The following TULP4 variants were observed in gnomAD, a reference collection of about 807,000 sequenced individuals.
TULP4 encodes the protein tubby-related protein 4.
TULP4 carries 16 observed loss-of-function variants against 129.0 expected under a neutral mutation model. The ratio of observed to expected loss-of-function variants is 0.12; its 90% CI spans 0.08 to 0.19. TULP4 has a LOEUF of 0.19. TULP4 is among the 10% of genes least tolerant of loss of function. The pLI, the probability that TULP4 is intolerant of heterozygous loss-of-function variation, is 1.00. For synonymous variants in TULP4, 998 were observed against 854.0 expected (o/e 1.17, Z -2.94); for missense variants, 1,842 against 2,059.1 (o/e 0.89, Z 2.04).
Position 158,502,932 on chromosome 6 carries a change from A to G in TULP4, c.3269A>G (p.Glu1090Gly). 5 of 1,614,002 alleles carry G rather than the reference A, an allele frequency of 3.1e-6. No individual in the cohort carries two copies. The highest frequency in any genetic ancestry group is 4.2e-6 in the Non-Finnish European group (5 of 1,180,006). The change falls in exon 13 of 14, where the codon GAG (glutamate) becomes GGG (glycine). Residue 1090 changes from glutamate to glycine, a missense_variant. Around this residue, in one of 5 missense-constraint regions of TULP4, gnomAD observed 1,089 missense variants for 987.1 expected, o/e 1.10. Transcript: ENST00000367097. ...RTDYVNSAFTEDEALSQHCQL... is the reference protein window; with the variant it reads ...RTDYVNSAFTGDEALSQHCQL... ...GACTACGTCAACTCGGCCTTCACGGAGGACGAGGCCCTGTCCCAGCACTGT... is the reference window on the plus strand; with the variant it reads ...GACTACGTCAACTCGGCCTTCACGGGGGACGAGGCCCTGTCCCAGCACTGT...
At chr6:158,378,777 G>T (rs531047254) in intron 1 of TULP4, among the ~76,000 whole-genome samples, 1 of 144,410 alleles carries the variant, frequency 6.9e-6, no homozygotes, top group South Asian at 2.1e-4. Flanking sequence ...GCGCTACCGC[G>T]CCTGGCCAGG....
chr6:158,283,635 T>C (rs1392610357), intron 1 of TULP4, among the ~76,000 whole-genome samples: 1 of 152,226 alleles, frequency 6.6e-6, no homozygotes, highest in Non-Finnish European at 1.5e-5. Flanking sequence ...CTGTCCTCTT[T>C]ATTGGTGGAA....
At chr6:158,497,425 G>A (rs948686117) in intron 11 of TULP4, among the ~76,000 whole-genome samples, 1 of 152,108 alleles carries the variant, frequency 6.6e-6, no homozygotes, top group Middle Eastern at 3.4e-3. Context: ...TGAATTTTTG[G>A]CATTTTAACA....
intron 6 of TULP4, among the ~76,000 whole-genome samples, chr6:158,466,469 T>A (rs1779556548): frequency 6.6e-6 from 1 of 152,138 alleles, no homozygotes; most frequent in Non-Finnish European, 1.5e-5. Context: ...ATAATGTTGA[T>A]TAGTGATGTT....
chr6:158,362,386 G>C (rs1445605294), intron 1 of TULP4, among the ~76,000 whole-genome samples: 4 of 151,386 alleles, frequency 2.6e-5, no homozygotes, highest in African/African-American at 4.9e-5. Context: ...GTCTCTCTCT[G>C]TTGCCCAGGC....
At chr6:158,321,727 A>G (rs1484340226) in intron 1 of TULP4, among the ~76,000 whole-genome samples, 2 of 152,112 alleles carry the variant, frequency 1.3e-5, no homozygotes, top group Non-Finnish European at 2.9e-5. Flanking sequence ...TCACTTCACC[A>G]CCATGCCTAG....
chr6:158,319,750 ATGTT>A (rs1173679925), intron 1 of TULP4, among the ~76,000 whole-genome samples: 1 of 152,216 alleles, frequency 6.6e-6, no homozygotes, highest in Non-Finnish European at 1.5e-5. Flanking sequence ...ACTGTGATAA[ATGTT>A]TGTCTAGTCT....
chr6:158,502,861 C>A lies in TULP4; in HGVS notation c.3198C>A (p.Ser1066=). The A allele has an allele frequency of 6.2e-7, 1 of 1,613,826 alleles. No individual in the cohort carries two copies. The highest frequency in any genetic ancestry group is 8.5e-7 in the Non-Finnish European group (1 of 1,180,004). The part of the protein sequence containing the change: ...TASASPLASQ[S]SYSLLSPPDS... ...GCGCCTCCCCGTTGGCCTCCCAGTC[C>A]TCCTACAGCCTCCTGAGCCCACCCG... Residue 1066 remains serine (S), a synonymous_variant, in exon 13 of 14, where the codon TCC becomes TCA. Transcript: ENST00000367097.
At chr6:158,382,246 T>G (rs1777344333) in intron 1 of TULP4, among the ~76,000 whole-genome samples, 1 of 152,200 alleles carries the variant, frequency 6.6e-6, no homozygotes, top group Non-Finnish European at 1.5e-5. Context: ...GATCTGTGTC[T>G]GTATCTGTCT....
chr6:158,395,606 G>C (rs1777693020), intron 1 of TULP4, among the ~76,000 whole-genome samples: 1 of 142,840 alleles, frequency 7.0e-6, no homozygotes, highest in African/African-American at 2.6e-5. Flanking sequence ...AGGAAGACCT[G>C]ATTGGCTGGC....
chr6:158,440,472 G>A (rs16900765), intron 3 of TULP4, among the ~76,000 whole-genome samples: 4,807 of 152,240 alleles, frequency 0.032, 237 homozygotes, highest in African/African-American at 0.1. Flanking sequence ...TAGCTCCTGA[G>A]GACTCAACTT....
At position 158,427,340 on chromosome 6, in the gene TULP4, G is replaced by A. The variant is rs375259872; in HGVS notation, c.382-2396G>A. The stretch of plus-strand genomic sequence containing the variant: ...GGTTGGGGATTGACTTCTGGGGCGA[G>A]GAGGGACTTTACTGCATGTAAATTA... On this transcript the variant is annotated intron_variant, in intron 2 of 13. Coordinates refer to ENST00000367097, the MANE Select transcript of TULP4 (RefSeq NM_020245.5). Among the ~76,000 whole-genome samples, 146 of 152,182 alleles carry A rather than the reference G, an allele frequency of 9.6e-4. 2 individuals are homozygous for A. Among genetic ancestry groups the A allele is most frequent in the African/African-American group, 3.2e-3 (134 of 41,512 alleles).
chr6:158,507,031 C>G lies in TULP4; in HGVS notation c.*337C>G. On this transcript the variant is annotated 3_prime_UTR_variant, in exon 14 of 14. Transcript: ENST00000367097. Reference sequence around the variant, plus strand: ...GAATGAAGACAGTCTGCCTTAGAGCCTGCTATTCTTTTAGACATAGGGAGG... The same window carrying G: ...GAATGAAGACAGTCTGCCTTAGAGCGTGCTATTCTTTTAGACATAGGGAGG... 1 of 266,990 alleles carries G rather than the reference C, an allele frequency of 3.7e-6. No homozygotes were observed. The highest frequency in any genetic ancestry group is 7.2e-6 in the Non-Finnish European group (1 of 139,634). The allele number at this position is 266,990 out of a possible 1,614,324, so 16.5% of individuals were successfully genotyped here.
chr6:158,331,946 C>T (rs1397554212), intron 1 of TULP4, among the ~76,000 whole-genome samples: 3 of 147,588 alleles, frequency 2.0e-5, no homozygotes, highest in Admixed American at 6.8e-5. Flanking sequence ...CTGAGGTGGG[C>T]GGATTACCCG....
intron 5 of TULP4, among the ~76,000 whole-genome samples, chr6:158,458,992 A>T (rs940061569): frequency 5.9e-5 from 9 of 152,350 alleles, no homozygotes; most frequent in African/African-American, 1.9e-4. Flanking sequence ...AGGCACTCAC[A>T]TACGTTGCTA....
intron 1 of TULP4, among the ~76,000 whole-genome samples, chr6:158,292,109 A>T (rs978523789): frequency 1.3e-5 from 2 of 152,196 alleles, no homozygotes; most frequent in African/African-American, 4.8e-5. Flanking sequence ...CATGCAGCTA[A>T]GATTTGTATT....
Position 158,501,721 on chromosome 6 carries a change from C to T in TULP4, c.2058C>T (p.Thr686=), listed in dbSNP as rs371699048. 18 of 1,613,834 alleles carry T rather than the reference C, an allele frequency of 1.1e-5. No homozygotes were observed. Among genetic ancestry groups the T allele is most frequent in the Middle Eastern group, 1.6e-4 (1 of 6,084 alleles). ...TCCCTGAGAACAGCCCACCTTGTACCGTGAACATCCCTATTGCACCGATCC... is the reference window on the plus strand; with the variant it reads ...TCCCTGAGAACAGCCCACCTTGTACTGTGAACATCCCTATTGCACCGATCC... ...SGVPENSPPC[T]VNIPIAPIHS... Residue 686 remains threonine, a synonymous_variant, in exon 13 of 14, where the codon ACC becomes ACT. Transcript: ENST00000367097.
At chr6:158,385,776 C>G (rs1351005466) in intron 1 of TULP4, among the ~76,000 whole-genome samples, 1 of 137,384 alleles carries the variant, frequency 7.3e-6, no homozygotes, top group Non-Finnish European at 1.5e-5. Flanking sequence ...CCAAAATAGT[C>G]TTGCCATCAG....
At chr6:158,395,155 T>A (rs1204729174) in intron 1 of TULP4, among the ~76,000 whole-genome samples, 2 of 152,136 alleles carry the variant, frequency 1.3e-5, no homozygotes, top group African/African-American at 4.8e-5. Flanking sequence ...ATCAGGGGAT[T>A]ACATTTCATC....
Sources: gnomAD v4.1 joint callset for allele counts (sites outside exome capture counted in the v4.1 genomes callset) on GRCh38, gnomAD v4.1.1 for gene constraint, gnomAD v4.1.1 regional missense constraint, MANE v1.5 for transcripts, NCBI Gene and HGNC (gene_info 2026-07-23, HGNC 2026-07-21) for gene names.